PPP2R5A: variants seen among roughly 807,000 people sequenced by gnomAD.
PPP2R5A encodes the protein serine/threonine-protein phosphatase 2A 56 kDa regulatory subunit alpha isoform.
A neutral mutation model predicts 64.2 loss-of-function variants in PPP2R5A; 25 were observed. That is an observed-to-expected ratio of 0.39 (90% CI 0.28 to 0.54). The LOEUF is 0.54. PPP2R5A is among the 20% of genes least tolerant of loss of function. The probability of loss-of-function intolerance (pLI) is 0.67; values close to 1 mark genes in which losing one functional copy is unlikely to be tolerated. For synonymous variants in PPP2R5A, 198 were observed against 201.2 expected (o/e 0.98, Z 0.13); for missense variants, 425 against 576.3 (o/e 0.74, Z 2.69).
At chr1:212,354,626 A>G (rs574568790) in intron 8 of PPP2R5A, among the ~76,000 whole-genome samples, 65 of 152,008 alleles carry the variant, frequency 4.3e-4, no homozygotes, top group African/African-American at 1.5e-3. Context: ...CAAGGTTACA[A>G]TAAGCCTAGG....
At chr1:212,290,368 A>C (rs1340936378) in intron 1 of PPP2R5A, among the ~76,000 whole-genome samples, 1 of 152,234 alleles carries the variant, frequency 6.6e-6, no homozygotes, top group East Asian at 1.9e-4. Context: ...TCTCAAAGTT[A>C]CTATCATTCC....
intron 1 of PPP2R5A, among the ~76,000 whole-genome samples, chr1:212,326,648 T>C (rs1284589278): frequency 6.6e-6 from 1 of 152,116 alleles, no homozygotes; most frequent in African/African-American, 2.4e-5. Context: ...TAGTAAAAAA[T>C]GTCATATATG....
intron 1 of PPP2R5A, among the ~76,000 whole-genome samples, chr1:212,295,015 G>A (rs898038292): frequency 6.6e-6 from 1 of 152,188 alleles, no homozygotes; most frequent in African/African-American, 2.4e-5. Context: ...CTAGAATATA[G>A]GTTACATTCT....
At chr1:212,299,838 G>T (rs1658767472) in intron 1 of PPP2R5A, among the ~76,000 whole-genome samples, 1 of 150,252 alleles carries the variant, frequency 6.7e-6, no homozygotes, top group Non-Finnish European at 1.5e-5. Context: ...TTTGAGACAG[G>T]GTCTCGCTCT....
intron 1 of PPP2R5A, chr1:212,309,429 T>C (rs1002542726): frequency 2.5e-5 from 29 of 1,171,364 alleles, no homozygotes; most frequent in Non-Finnish European, 3.3e-5. Flanking sequence ...TGTGGACACC[T>C]TTCAACATTG....
chr1:212,309,217 T>C (rs967998794), intron 1 of PPP2R5A: 1 of 1,409,364 alleles, frequency 7.1e-7, no homozygotes, highest in African/African-American at 1.4e-5. Context: ...GGCTTTAACA[T>C]CCACAATGAA....
intron 1 of PPP2R5A, chr1:212,301,961 T>G: frequency 7.4e-7 from 1 of 1,360,136 alleles, no homozygotes; most frequent in Non-Finnish European, 9.6e-7. Context: ...TCCTGCTACT[T>G]CAAATTATTT....
rs377097219 is a variant in PPP2R5A at position 212,356,660 on chromosome 1, C to T, written c.962C>T (p.Thr321Ile). ...GGACTGCTGAAATTTTGGCCAAAAA[C>T]CTGCAGTCAGAAAGAGGTGGGTTTT... is the stretch of plus-strand genomic sequence containing the variant. ...IRGLLKFWPK[T>I]CSQKEVMFLG... Residue 321 changes from threonine to isoleucine, a missense_variant, in exon 9 of 13, where the codon ACC becomes ATC. Around this residue, in one of 4 missense-constraint regions of PPP2R5A, gnomAD observed 177 missense variants for 244.8 expected, o/e 0.72. Transcript: ENST00000261461. 6.8e-6 allele frequency: 11 copies of T among 1,612,492 alleles called. No individual in the cohort carries two copies. The highest frequency in any genetic ancestry group is 8.5e-6 in the Non-Finnish European group (10 of 1,179,372).
Position 212,342,251 on chromosome 1 carries a change from C to A in PPP2R5A, c.544C>A (p.Arg182=). Reference sequence around the variant, plus strand: ...TGATTTCCAGCCTAGCATTGCAAAACGATACATTGATCAGAAATTCGTACA... The same window carrying A: ...TGATTTCCAGCCTAGCATTGCAAAAAGATACATTGATCAGAAATTCGTACA... ...SPDFQPSIAK[R]YIDQKFVQQL... The change falls in exon 4 of 13, where the codon CGA becomes AGA. Residue 182 remains arginine (R), a synonymous_variant. Coordinates refer to ENST00000261461, the MANE Select transcript of PPP2R5A (RefSeq NM_006243.4). 6.2e-7 allele frequency: 1 copy of A among 1,613,448 alleles called. No individual in the cohort carries two copies. Among genetic ancestry groups the A allele is most frequent in the Non-Finnish European group, 8.5e-7 (1 of 1,179,690 alleles).
intron 1 of PPP2R5A, among the ~76,000 whole-genome samples, chr1:212,315,231 A>G (rs776521616): frequency 7.9e-5 from 12 of 152,166 alleles, no homozygotes; most frequent in Non-Finnish European, 1.5e-4. Flanking sequence ...GAGAATTTGT[A>G]TTTGTATTAT....
chr1:212,307,590 A>T (rs1170435488), intron 1 of PPP2R5A, among the ~76,000 whole-genome samples: 2 of 152,196 alleles, frequency 1.3e-5, no homozygotes, highest in Non-Finnish European at 2.9e-5. Flanking sequence ...ACATTATATA[A>T]TATTATTTTG....
In PPP2R5A at chr1:212,285,766, C is replaced by G. The variant is rs1046813979; in HGVS notation, c.-345C>G. ...AGAGGCGCGCTCGGCACCCGCACCC[C>G]CGTGCCCCCGCCTCAGTTGTCTAAA... On this transcript the variant is annotated 5_prime_UTR_variant, in exon 1 of 13. Transcript: ENST00000261461. 4.8e-6 allele frequency: 1 copy of G among 206,474 alleles called. No homozygotes were observed. The allele number at this position is 206,474 out of a possible 1,614,324, so 12.8% of individuals were successfully genotyped here. A position where few individuals can be genotyped will look rare whatever the true frequency, so the allele number is the denominator to read the frequency against.
At chr1:212,351,338 G>A (rs182651264) in intron 8 of PPP2R5A, among the ~76,000 whole-genome samples, 4 of 152,112 alleles carry the variant, frequency 2.6e-5, no homozygotes, top group Non-Finnish European at 4.4e-5. Flanking sequence ...CCAAAATTAC[G>A]GCCATATTAC....
Position 212,287,903 on chromosome 1 carries a change from A to G in PPP2R5A, c.181+1612A>G, listed in dbSNP as rs183096556. ...GTTATTTAATTTGCTTTTTAGTAAG[A>G]TATTCTAGTTTCTTAGTATTGTACT... On this transcript the variant is annotated intron_variant, in intron 1 of 12. Transcript: ENST00000261461. Among the ~76,000 whole-genome samples the G allele has an allele frequency of 2.0e-3, 311 of 152,194 alleles. 4 individuals are homozygous for G. Among genetic ancestry groups the G allele is most frequent in the African/African-American group, 7.2e-3 (300 of 41,520 alleles).
At chr1:212,304,342 G>T (rs1008288157) in intron 1 of PPP2R5A, among the ~76,000 whole-genome samples, 2 of 152,012 alleles carry the variant, frequency 1.3e-5, no homozygotes, top group African/African-American at 4.8e-5. Flanking sequence ...CCTGAGGTTG[G>T]GAGTTCAAGA....
chr1:212,329,933 C>T (rs1436485542), intron 2 of PPP2R5A, among the ~76,000 whole-genome samples: 5 of 152,104 alleles, frequency 3.3e-5, no homozygotes, highest in African/African-American at 1.2e-4. Flanking sequence ...CGTGAGCCAC[C>T]GCACCCGGCC....
chr1:212,353,678 A>T (rs1659926394), intron 8 of PPP2R5A, among the ~76,000 whole-genome samples: 1 of 152,134 alleles, frequency 6.6e-6, no homozygotes, highest in African/African-American at 2.4e-5. Flanking sequence ...GTTCTGTTCC[A>T]TTAACTCCCC....
At chr1:212,324,314 CAAGAA>C (rs1304531403) in intron 1 of PPP2R5A, among the ~76,000 whole-genome samples, 4 of 152,068 alleles carry the variant, frequency 2.6e-5, no homozygotes, top group Non-Finnish European at 5.9e-5. Context: ...TGTGTCTAAA[CAAGAA>C]AAGGTACAGT....
intron 1 of PPP2R5A, among the ~76,000 whole-genome samples, chr1:212,306,171 A>G (rs1476610423): frequency 6.6e-6 from 1 of 151,944 alleles, no homozygotes; most frequent in Non-Finnish European, 1.5e-5. Context: ...TTTTTTTTAG[A>G]TAGGGTGGGC....
Sources: allele counts gnomAD v4.1 joint callset (sites outside exome capture counted in the v4.1 genomes callset), GRCh38; gene constraint gnomAD v4.1.1; regional missense constraint gnomAD v4.1.1; transcripts MANE v1.5; gene names NCBI Gene and HGNC (gene_info 2026-07-23, HGNC 2026-07-21).